WWC1: variants seen among roughly 807,000 people sequenced by gnomAD.
The protein encoded by WWC1 is WW and C2 domain containing 1.
Under a neutral mutation model 138.4 loss-of-function variants are expected in WWC1, and 55 were observed. The ratio of observed to expected loss-of-function variants is 0.40; its 90% CI spans 0.32 to 0.50. The LOEUF (loss-of-function observed/expected upper bound fraction) is 0.50. Among genes scored for constraint, WWC1 ranks in the 20% least tolerant of loss-of-function variants. WWC1 has a pLI of 0.72. For missense variants in WWC1, 1,226 were observed against 1,420.4 expected, an observed-to-expected ratio of 0.86 and a Z score of 2.20; for synonymous variants, 524 against 564.9, an observed-to-expected ratio of 0.93 and a Z score of 1.03.
intron 15 of WWC1, among the ~76,000 whole-genome samples, chr5:168,439,133 C>G (rs1236529328): frequency 6.6e-6 from 1 of 152,200 alleles, no homozygotes; most frequent in East Asian, 1.9e-4. Flanking sequence ...TTACCCCACT[C>G]TCTTGCACAA....
chr5:168,470,865 C>T lies in WWC1; in HGVS notation c.*1848C>T, dbSNP rs1757646723. On this transcript the variant is annotated 3_prime_UTR_variant, in exon 23 of 23. Transcript: ENST00000265293. ...AAAAATAAAATGCAGACTGTCAGGT[C>T]CTCTCTAGACCCACTGAACTATCCC... 6.6e-6 allele frequency: 1 copy of T among 152,072 alleles called. No individual in the cohort carries two copies. The highest frequency in any genetic ancestry group is 2.1e-4 in the South Asian group (1 of 4,822). The allele number at this position is 152,072 out of a possible 1,614,324, so 9.4% of individuals were successfully genotyped here. A position where few individuals can be genotyped will look rare whatever the true frequency, so the allele number is the denominator to read the frequency against.
chr5:168,408,013 C>T (rs1278589879), intron 6 of WWC1, among the ~76,000 whole-genome samples: 3 of 150,580 alleles, frequency 2.0e-5, no homozygotes, highest in Non-Finnish European at 4.4e-5. Context: ...CAGACATGCA[C>T]CGCCACATCC....
intron 1 of WWC1, among the ~76,000 whole-genome samples, chr5:168,298,449 A>C (rs1769760283): frequency 6.6e-6 from 1 of 152,192 alleles, no homozygotes. Context: ...CTGTAGATGT[A>C]TAATAATAAT....
At chr5:168,355,106 C>CA (rs1775292852) in intron 1 of WWC1, among the ~76,000 whole-genome samples, 1 of 152,146 alleles carries the variant, frequency 6.6e-6, no homozygotes, top group Admixed American at 6.6e-5. Context: ...ATGGGAGAGA[C>CA]AGACAGTCAA....
intron 1 of WWC1, among the ~76,000 whole-genome samples, chr5:168,365,707 T>C (rs1006912591): frequency 1.3e-5 from 2 of 152,074 alleles, no homozygotes; most frequent in Admixed American, 1.3e-4. Context: ...GTTTGTAGGG[T>C]GCTCCTGGCA....
intron 17 of WWC1, among the ~76,000 whole-genome samples, chr5:168,451,611 G>T (rs1415497441): frequency 6.6e-6 from 1 of 152,088 alleles, no homozygotes; most frequent in African/African-American, 2.4e-5. Flanking sequence ...TGAGGCAGGA[G>T]AATCAATCAC....
intron 21 of WWC1, among the ~76,000 whole-genome samples, chr5:168,467,115 G>A (rs575717631): frequency 9.9e-5 from 15 of 152,180 alleles, no homozygotes; most frequent in East Asian, 3.9e-4. Context: ...AAAATTAGCC[G>A]GGCATGGTGG....
At chr5:168,351,886 A>G (rs1417927526) in intron 1 of WWC1, among the ~76,000 whole-genome samples, 1 of 152,110 alleles carries the variant, frequency 6.6e-6, no homozygotes, top group Non-Finnish European at 1.5e-5. Context: ...GTGTCTGCCT[A>G]GGGACTGGCT....
intron 1 of WWC1, among the ~76,000 whole-genome samples, chr5:168,365,508 C>T (rs1776215671): frequency 6.6e-6 from 1 of 152,202 alleles, no homozygotes. Flanking sequence ...AGGCTTTCCT[C>T]TCCTCCTCTG....
chr5:168,357,491 TGTGCGCGCGC>T (rs1457265517), intron 1 of WWC1, among the ~76,000 whole-genome samples: 105 of 69,900 alleles, frequency 1.5e-3, no homozygotes, highest in African/African-American at 6.5e-3. Flanking sequence ...TGTGTGTGTG[TGTGCGCGCGC>T]GCACGCATGC....
chr5:168,337,334 T>C (rs1237894789), intron 1 of WWC1, among the ~76,000 whole-genome samples: 2 of 44,424 alleles, frequency 4.5e-5, no homozygotes, highest in Non-Finnish European at 8.6e-5. Context: ...TTTCAAAAGC[T>C]CCATCGGTGT....
intron 15 of WWC1, among the ~76,000 whole-genome samples, chr5:168,437,138 T>C (rs1355939154): frequency 1.3e-5 from 2 of 152,164 alleles, no homozygotes; most frequent in Non-Finnish European, 2.9e-5. Context: ...TGCCTGGCAT[T>C]CTGTCCTCCC....
At chr5:168,347,583 G>A (rs1171185645) in intron 1 of WWC1, among the ~76,000 whole-genome samples, 2 of 152,206 alleles carry the variant, frequency 1.3e-5, no homozygotes, top group African/African-American at 4.8e-5. Context: ...CTGTCATTCT[G>A]TCAGCTCGTG....
chr5:168,306,176 T>C (rs772314479), intron 1 of WWC1, among the ~76,000 whole-genome samples: 3 of 152,106 alleles, frequency 2.0e-5, no homozygotes, highest in Non-Finnish European at 4.4e-5. Context: ...GGTGGGCAGA[T>C]ATGTGAGGTC....
chr5:168,380,472 G>A (rs1160826971), intron 2 of WWC1, among the ~76,000 whole-genome samples: 2 of 151,976 alleles, frequency 1.3e-5, no homozygotes, highest in Non-Finnish European at 2.9e-5. Flanking sequence ...TTCCAACGAG[G>A]TATCATTACA....
At chr5:168,434,293 A>G in intron 15 of WWC1, among the ~76,000 whole-genome samples, 1 of 152,172 alleles carries the variant, frequency 6.6e-6, no homozygotes, top group East Asian at 1.9e-4. Context: ...CCTTTCCCAT[A>G]TACGGTGGGG....
intron 2 of WWC1, among the ~76,000 whole-genome samples, chr5:168,375,813 G>A (rs1188702298): frequency 6.6e-6 from 1 of 152,014 alleles, no homozygotes; most frequent in Non-Finnish European, 1.5e-5. Flanking sequence ...AACCTCAGGT[G>A]ATCTGCCCAC....
chr5:168,414,798 G>T, intron 9 of WWC1: 1 of 695,580 alleles, frequency 1.4e-6, no homozygotes, highest in East Asian at 2.9e-5. Flanking sequence ...ATTTTGCATG[G>T]TGAATCATGC....
At chr5:168,448,149 G>A (rs1357050034) in intron 17 of WWC1, among the ~76,000 whole-genome samples, 1 of 152,122 alleles carries the variant, frequency 6.6e-6, no homozygotes, top group Non-Finnish European at 1.5e-5. Flanking sequence ...GGGGATCCCA[G>A]AGCTGCTGTA....
Sources: gnomAD v4.1 joint callset for allele counts (sites outside exome capture counted in the v4.1 genomes callset) on GRCh38, gnomAD v4.1.1 for gene constraint, MANE v1.5 for transcripts, NCBI Gene and HGNC (gene_info 2026-07-23, HGNC 2026-07-21) for gene names.